Variants in GADL1 observed in about 807,000 individuals in gnomAD.
The protein encoded by GADL1 is acidic amino acid decarboxylase GADL1.
GADL1 carries 71 observed loss-of-function variants against 69.5 expected under a neutral mutation model. The observed-to-expected ratio is 1.02, with a 90% confidence interval of 0.84 to 1.25. The LOEUF (loss-of-function observed/expected upper bound fraction) is 1.25, where lower values mean the gene tolerates loss of function less well. Among genes scored for constraint, GADL1 ranks in the 50% most tolerant of loss-of-function variants. The pLI is 0.00. For missense variants in GADL1, 737 were observed against 631.8 expected (o/e 1.17, Z -1.79); for synonymous variants, 254 against 214.4 (o/e 1.18, Z -1.62).
intron 2 of GADL1, among the ~76,000 whole-genome samples, 174 bp from the exon 3 acceptor site, chr3:30,857,315 T>C (rs369660273): frequency 7.2e-5 from 11 of 152,130 alleles, no homozygotes; most frequent in African/African-American, 2.4e-4. Context: ...ATGGGACCAA[T>C]GAGGGGCGCC....
At chr3:30,796,865 T>C (rs1445467144) in intron 12 of GADL1, among the ~76,000 whole-genome samples, 1 of 152,172 alleles carries the variant, frequency 6.6e-6, no homozygotes, top group African/African-American at 2.4e-5. Context: ...TTCAAACTAC[T>C]TCATACCCAT....
At chr3:30,752,213 G>A (rs997999192) in intron 14 of GADL1, among the ~76,000 whole-genome samples, 35 of 152,212 alleles carry the variant, frequency 2.3e-4, no homozygotes, top group Middle Eastern at 3.4e-3. Flanking sequence ...TAGGGTTTTC[G>A]ACAGCTTTTC....
chr3:30,731,771 C>T (rs1324406189), intron 14 of GADL1, among the ~76,000 whole-genome samples: 2 of 152,162 alleles, frequency 1.3e-5, no homozygotes, highest in Admixed American at 1.3e-4. Flanking sequence ...AGTCTATGAA[C>T]TATAAGATTA....
At chr3:30,871,767 C>T (rs1000944111) in intron 1 of GADL1, among the ~76,000 whole-genome samples, 4 of 151,752 alleles carry the variant, frequency 2.6e-5, no homozygotes, top group African/African-American at 4.8e-5. Flanking sequence ...GAGCCAGGTC[C>T]ATAAACACCA....
At chr3:30,874,445 C>T (rs1698548466) in intron 1 of GADL1, among the ~76,000 whole-genome samples, 1 of 151,916 alleles carries the variant, frequency 6.6e-6, no homozygotes, top group Non-Finnish European at 1.5e-5. Flanking sequence ...GGGTTTGGAA[C>T]CATCTAGGAT....
chr3:30,825,788 G>GGGA (rs1312438159), intron 11 of GADL1, among the ~76,000 whole-genome samples: 1 of 151,834 alleles, frequency 6.6e-6, no homozygotes, highest in Non-Finnish European at 1.5e-5. Context: ...GGGGAACAAG[G>GGGA]GGAGGGAGAG....
At chr3:30,759,747 G>A (rs146480573) in intron 14 of GADL1, among the ~76,000 whole-genome samples, 49 of 152,220 alleles carry the variant, frequency 3.2e-4, no homozygotes, top group Admixed American at 2.7e-3. Flanking sequence ...TTCCCTGCTC[G>A]ACTGCCACTG....
chr3:30,885,259 A>G (rs1292432967), intron 1 of GADL1, among the ~76,000 whole-genome samples: 3 of 151,862 alleles, frequency 2.0e-5, no homozygotes, highest in Non-Finnish European at 2.9e-5. Context: ...CCAGCCAATT[A>G]TTTTTTTCTT....
intron 12 of GADL1, chr3:30,798,813 G>C (rs1211113106): frequency 1.3e-5 from 2 of 152,166 alleles, no homozygotes; most frequent in East Asian, 3.8e-4. Flanking sequence ...ACAGATATTG[G>C]GTAAATACAG....
At chr3:30,777,958 TAC>T (rs1696574615) in intron 14 of GADL1, among the ~76,000 whole-genome samples, 1 of 152,190 alleles carries the variant, frequency 6.6e-6, no homozygotes, top group African/African-American at 2.4e-5. Context: ...ACTTCTACCT[TAC>T]AGACAACCTA....
intron 1 of GADL1, among the ~76,000 whole-genome samples, chr3:30,873,848 T>C (rs1698536699): frequency 6.6e-6 from 1 of 151,938 alleles, no homozygotes; most frequent in African/African-American, 2.4e-5. Flanking sequence ...GCACTTACTC[T>C]CAGCTCTCTT....
At chr3:30,778,925 A>G (rs1200247257) in intron 13 of GADL1, 1 of 152,242 alleles carries the variant, frequency 6.6e-6, no homozygotes. Flanking sequence ...GTCTAAGTCC[A>G]TCCTAGAAAA....
At chr3:30,770,427 G>T (rs1274035065) in intron 14 of GADL1, among the ~76,000 whole-genome samples, 1 of 152,202 alleles carries the variant, frequency 6.6e-6, no homozygotes, top group East Asian at 1.9e-4. Context: ...TACACAGAAA[G>T]CCAGTGGCAC....
At chr3:30,730,262 T>C (rs562991653) in intron 14 of GADL1, among the ~76,000 whole-genome samples, 1 of 152,280 alleles carries the variant, frequency 6.6e-6, no homozygotes, top group South Asian at 2.1e-4. Flanking sequence ...AAGTAGTAAT[T>C]CTAAAATCTA....
At chr3:30,769,488 G>A (rs1027404349) in intron 14 of GADL1, among the ~76,000 whole-genome samples, 1 of 152,086 alleles carries the variant, frequency 6.6e-6, no homozygotes, top group African/African-American at 2.4e-5. Context: ...TCTGGCTTGA[G>A]GGAAATTCCT....
At chr3:30,760,023 C>T (rs1293152159) in intron 14 of GADL1, among the ~76,000 whole-genome samples, 2 of 152,166 alleles carry the variant, frequency 1.3e-5, no homozygotes, top group Non-Finnish European at 2.9e-5. Flanking sequence ...CTCCTTTTTA[C>T]CTGCAGATTC....
At chr3:30,826,901 A>C (rs1053955238) in intron 11 of GADL1, among the ~76,000 whole-genome samples, 2 of 151,946 alleles carry the variant, frequency 1.3e-5, no homozygotes, top group African/African-American at 4.8e-5. Context: ...AAATGCTGGC[A>C]CAACCCAGAG....
At chr3:30,770,236 G>A (rs146439427) in intron 14 of GADL1, among the ~76,000 whole-genome samples, 132 of 152,282 alleles carry the variant, frequency 8.7e-4, no homozygotes, top group African/African-American at 3.0e-3. Flanking sequence ...ACTCGACTGA[G>A]TAAACCAAAT....
chr3:30,875,361 A>T (rs1465646276), intron 1 of GADL1, among the ~76,000 whole-genome samples: 3 of 151,888 alleles, frequency 2.0e-5, no homozygotes, highest in Non-Finnish European at 4.4e-5. Context: ...TATTCCTCTC[A>T]TCCACAAAAT....
Sources: allele counts gnomAD v4.1 joint callset (sites outside exome capture counted in the v4.1 genomes callset), GRCh38; gene constraint gnomAD v4.1.1; transcripts MANE v1.5; gene names NCBI Gene and HGNC (gene_info 2026-07-23, HGNC 2026-07-21).